ITIH5: variants seen among roughly 807,000 people sequenced by gnomAD.
ITIH5 encodes the protein inter-alpha-trypsin inhibitor heavy chain H5.
Under a neutral mutation model 77.5 loss-of-function variants are expected in ITIH5, and 65 were observed. That is an observed-to-expected ratio of 0.84 (90% CI 0.69 to 1.03). ITIH5 has a LOEUF of 1.03. Among genes scored for constraint, ITIH5 ranks in the 50% least tolerant of loss-of-function variants. The pLI is 0.00. For synonymous variants in ITIH5, 525 were observed against 494.3 expected (o/e 1.06, Z -0.82); for missense variants, 1,208 against 1,213.1 (o/e 1.00, Z 0.06).
chr10:7,562,737 A>G lies in ITIH5; in HGVS notation c.*346T>C, dbSNP rs1002429228. On this transcript the variant is annotated 3_prime_UTR_variant, in exon 14 of 14. Transcript: ENST00000397146. The stretch of plus-strand genomic sequence containing the variant: ...TCATAGCAACCTTCCTTCACCAGAA[A>G]GGCTTACTTTATGATATGCTAACAG... 11 of 224,804 alleles carry G rather than the reference A, an allele frequency of 4.9e-5. No individual in the cohort carries two copies. The highest frequency in any genetic ancestry group is 8.8e-5 in the Non-Finnish European group (10 of 113,072). 13.9% of individuals were successfully genotyped at this position (224,804 alleles called of 1,614,324 possible). A position where few individuals can be genotyped will look rare whatever the true frequency, so the allele number is the denominator to read the frequency against.
rs1282343336 is a variant in ITIH5 at position 7,561,277 on chromosome 10, C to T, written c.*1806G>A. ...CGTCCTCATTTCTGCAGTGTCGAGA[C>T]TTACACCTGGAACAACAGATCACTG... On this transcript the variant is annotated 3_prime_UTR_variant, in exon 14 of 14. Coordinates refer to ENST00000397146, the MANE Select transcript of ITIH5 (RefSeq NM_030569.7). 1.3e-5 allele frequency: 2 copies of T among 152,260 alleles called. No homozygotes were observed. Among genetic ancestry groups the T allele is most frequent in the Non-Finnish European group, 2.9e-5 (2 of 68,054 alleles). The allele number at this position is 152,260 out of a possible 1,614,324, so 9.4% of individuals were successfully genotyped here.
chr10:7,666,489 A>G (rs1003448128), intron 1 of ITIH5, among the ~76,000 whole-genome samples: 2 of 152,194 alleles, frequency 1.3e-5, no homozygotes, highest in Non-Finnish European at 2.9e-5. Context: ...CCTTGTAATT[A>G]TAATAACTTT....
At position 7,565,940 on chromosome 10, in the gene ITIH5, A is replaced by G. The variant is rs183005473; in HGVS notation, c.2527+90T>C. ...AACCACATTCCTATTGAATTTCTCA[A>G]TCAAACGAAAGGTGTTGGCAATATC... On this transcript the variant is annotated intron_variant, in intron 13 of 13. Coordinates refer to ENST00000397146, the MANE Select transcript of ITIH5 (RefSeq NM_030569.7). The G allele has an allele frequency of 3.8e-4, 576 of 1,505,292 alleles. 2 individuals are homozygous for G. The African/African-American group carries it at 7.1e-3, about 19-fold the overall frequency. The allele number at this position is 1,505,292 out of a possible 1,614,324, so 93.2% of individuals were successfully genotyped here.
At chr10:7,619,566 G>A in intron 5 of ITIH5, 1 of 377,654 alleles carries the variant, frequency 2.6e-6, no homozygotes, top group East Asian at 8.2e-5. Flanking sequence ...CAGAAAAGAG[G>A]TTTAATTGAC....
chr10:7,604,507 G>C (rs1833083233), intron 7 of ITIH5, among the ~76,000 whole-genome samples: 1 of 152,228 alleles, frequency 6.6e-6, no homozygotes, highest in Admixed American at 6.5e-5. Context: ...GAGACTCTTA[G>C]ATTGTGTCTT....
At chr10:7,634,998 T>G (rs1013951922) in intron 5 of ITIH5, among the ~76,000 whole-genome samples, 1 of 152,224 alleles carries the variant, frequency 6.6e-6, no homozygotes, top group Admixed American at 6.5e-5. Flanking sequence ...AAGTTCTTAC[T>G]ATGTTGTCCA....
intron 4 of ITIH5, among the ~76,000 whole-genome samples, chr10:7,640,527 AG>A (rs1175579445): frequency 2.0e-5 from 3 of 151,942 alleles, no homozygotes; most frequent in East Asian, 3.9e-4. Flanking sequence ...ATATTAGAAG[AG>A]GATATGTGTG....
At position 7,601,600 on chromosome 10, in the gene ITIH5, G is replaced by A. The variant is rs560433829; in HGVS notation, c.939+14382C>T. ...TAGCCAGCATCAAGCAGCTCATATC[G>A]CCAACCTCTGCATGACCTGCTTCTG... On this transcript the variant is annotated intron_variant, in intron 7 of 13. Transcript: ENST00000397146. 3.2e-4 allele frequency among the ~76,000 whole-genome samples: 48 copies of A among 152,096 alleles called. 1 individual carries two copies. The highest frequency in any genetic ancestry group is 3.4e-3 in the Middle Eastern group (1 of 294).
chr10:7,606,365 G>C (rs1833126333), intron 7 of ITIH5, among the ~76,000 whole-genome samples: 1 of 152,212 alleles, frequency 6.6e-6, no homozygotes, highest in African/African-American at 2.4e-5. Context: ...ATGACCATCA[G>C]TGGTGGACTC....
chr10:7,632,256 A>G (rs935321402), intron 5 of ITIH5, among the ~76,000 whole-genome samples: 4 of 152,204 alleles, frequency 2.6e-5, no homozygotes, highest in Non-Finnish European at 5.9e-5. Flanking sequence ...TTTGAAGTCT[A>G]CAGGGATGAA....
intron 9 of ITIH5, among the ~76,000 whole-genome samples, chr10:7,579,221 G>C (rs1171697295): frequency 6.6e-6 from 1 of 152,212 alleles, no homozygotes; most frequent in Non-Finnish European, 1.5e-5. Flanking sequence ...CGGAGGTACA[G>C]ACTGTCTTAA....
chr10:7,644,655 CAT>C (rs1263049917), intron 2 of ITIH5, among the ~76,000 whole-genome samples: 1,425 of 124,948 alleles, frequency 0.011, 83 homozygotes, highest in African/African-American at 0.044. Context: ...ATATATATCA[CAT>C]ATATATCATA....
At chr10:7,604,795 T>C (rs147779746) in intron 7 of ITIH5, among the ~76,000 whole-genome samples, 142 of 151,278 alleles carry the variant, frequency 9.4e-4, no homozygotes, top group African/African-American at 3.3e-3. Context: ...CTTTCCACTA[T>C]CTATGTTAGT....
intron 5 of ITIH5, among the ~76,000 whole-genome samples, chr10:7,622,778 T>C (rs1208481828): frequency 2.0e-5 from 3 of 152,232 alleles, no homozygotes; most frequent in Non-Finnish European, 4.4e-5. Context: ...TCCCTTAAAA[T>C]TATACACAGA....
At chr10:7,639,114 T>A (rs1833844405) in intron 4 of ITIH5, among the ~76,000 whole-genome samples, 1 of 152,130 alleles carries the variant, frequency 6.6e-6, no homozygotes, top group Non-Finnish European at 1.5e-5. Flanking sequence ...TTGGGATAAA[T>A]CTATAGTCTA....
In ITIH5 at chr10:7,562,944, T is replaced by C. The variant is rs535689333; in HGVS notation, c.*139A>G. The stretch of plus-strand genomic sequence containing the variant: ...ACCCTTCGCCCAGACAGACGTCGGA[T>C]CTATGCTGCACCAGGGGTGGGTCAT... On this transcript the variant is annotated 3_prime_UTR_variant, in exon 14 of 14. Coordinates refer to ENST00000397146, the MANE Select transcript of ITIH5 (RefSeq NM_030569.7). The C allele has an allele frequency of 2.7e-5, 18 of 678,116 alleles. No homozygotes were observed. The East Asian group carries it at 4.3e-4, about 16-fold the overall frequency. The allele number at this position is 678,116 out of a possible 1,614,324, so 42.0% of individuals were successfully genotyped here.
intron 7 of ITIH5, among the ~76,000 whole-genome samples, chr10:7,601,999 C>G (rs1268664712): frequency 6.6e-6 from 1 of 152,076 alleles, no homozygotes; most frequent in Non-Finnish European, 1.5e-5. Context: ...ACTACAGGTA[C>G]GTGCCACCAC....
rs535937518 is a variant in ITIH5, at chr10:7,619,805, T to C, written c.653-2523A>G. On this transcript the variant is annotated intron_variant, in intron 5 of 13. Coordinates refer to ENST00000397146, the MANE Select transcript of ITIH5 (RefSeq NM_030569.7). ...CCCACCAGGCCACTCCTCCGACACA[T>C]GGGGATTACAATTCGAAATGCTATT... 1.4e-4 allele frequency: 22 copies of C among 159,970 alleles called. No individual in the cohort carries two copies. The East Asian group carries it at 2.0e-3, about 14-fold the overall frequency. 9.9% of individuals were successfully genotyped at this position (159,970 alleles called of 1,614,324 possible).
At chr10:7,611,948 GTTCA>G (rs1276288134) in intron 7 of ITIH5, among the ~76,000 whole-genome samples, 1 of 147,222 alleles carries the variant, frequency 6.8e-6, no homozygotes, top group African/African-American at 2.5e-5. Flanking sequence ...TTGGGGTGTG[GTTCA>G]TTGATTACCT....
Sources: gnomAD v4.1 joint callset for allele counts (sites outside exome capture counted in the v4.1 genomes callset) on GRCh38, gnomAD v4.1.1 for gene constraint, MANE v1.5 for transcripts, NCBI Gene and HGNC (gene_info 2026-07-23, HGNC 2026-07-21) for gene names.